Variants in NEMF observed in about 807,000 individuals in gnomAD.
The protein encoded by NEMF is nuclear export mediator factor.
Under a neutral mutation model 162.2 loss-of-function variants are expected in NEMF, and 89 were observed. That is an observed-to-expected ratio of 0.55 (90% confidence interval 0.46 to 0.65). NEMF has a LOEUF of 0.65. NEMF is among the 30% of genes least tolerant of loss of function. NEMF has a pLI of 0.00. For synonymous variants in NEMF, 421 were observed against 404.5 expected (o/e 1.04, Z -0.49); for missense variants, 1,133 against 1,261.9 (o/e 0.90, Z 1.55).
In NEMF at chr14:49,795,812, C is replaced by G. The variant is rs544061075; in HGVS notation, c.2598G>C (p.Gln866His). ...TTACCTTTTGTCCTCGTTTCATTGG[C>G]TGCACAGCCGCAACATTTTTGCTTG... ...QNTSKNVAAVQPMKRGQKSKM... is the reference protein window; with the variant it reads ...QNTSKNVAAVHPMKRGQKSKM... Residue 866 changes from glutamine to histidine, a missense_variant, in exon 26 of 33, where the codon CAG (glutamine) becomes CAC (histidine). Transcript: ENST00000298310. The G allele has an allele frequency of 3.7e-6, 6 of 1,611,928 alleles. No individual in the cohort carries two copies. In the East Asian group the frequency reaches 1.3e-4, roughly 36 times the overall value.
chr14:49,782,620 A>C lies in NEMF; in HGVS notation c.*2016T>G, dbSNP rs1566639350. On this transcript the variant is annotated 3_prime_UTR_variant, in exon 33 of 33. Transcript: ENST00000298310. ...GTAAGTAACTTTGTACTTGGCACTT[A>C]GATTATTTAAAATTGTGTTTCCTAA... is the stretch of plus-strand genomic sequence containing the variant. The C allele has an allele frequency of 3.2e-6, 5 of 1,560,326 alleles. No individual in the cohort carries two copies. The Admixed American group carries it at 9.1e-5, about 28-fold the overall frequency.
intron 4 of NEMF, among the ~76,000 whole-genome samples, chr14:49,844,228 G>C (rs1347633452): frequency 6.6e-6 from 1 of 152,106 alleles, no homozygotes; most frequent in South Asian, 2.1e-4. Flanking sequence ...GGATGAAACT[G>C]TTCCACCTCA....
intron 28 of NEMF, among the ~76,000 whole-genome samples, chr14:49,787,837 A>C (rs1566646318): frequency 6.6e-6 from 1 of 152,236 alleles, no homozygotes; most frequent in Non-Finnish European, 1.5e-5. Context: ...ACTGTTCAGC[A>C]GGAAAAAAAA....
chr14:49,804,599 G>C (rs1288426214), intron 19 of NEMF, among the ~76,000 whole-genome samples: 2 of 151,792 alleles, frequency 1.3e-5, no homozygotes, highest in African/African-American at 4.8e-5. Context: ...CCAGGAGGCA[G>C]AGGTTGCAGT....
intron 16 of NEMF, among the ~76,000 whole-genome samples, chr14:49,822,525 GA>G (rs967396950): frequency 4.0e-5 from 6 of 149,288 alleles, no homozygotes; most frequent in Non-Finnish European, 7.4e-5. Flanking sequence ...CTGTCTCAAA[GA>G]AAAAAAAAGT....
intron 16 of NEMF, among the ~76,000 whole-genome samples, chr14:49,822,575 A>G (rs1892129351): frequency 1.4e-5 from 2 of 147,096 alleles, no homozygotes; most frequent in Admixed American, 1.4e-4. Context: ...TTTATCTGTA[A>G]TCCCAGCACT....
intron 4 of NEMF, among the ~76,000 whole-genome samples, chr14:49,843,902 C>T (rs543356194): frequency 6.6e-6 from 1 of 152,294 alleles, no homozygotes; most frequent in East Asian, 1.9e-4. Flanking sequence ...AGTTTGAGAA[C>T]AGTCTGGCCA....
chr14:49,796,356 A>AG (rs2139844126), intron 25 of NEMF: 2 of 452,702 alleles, frequency 4.4e-6, no homozygotes, highest in African/African-American at 4.0e-5. Flanking sequence ...ACACAGGTTA[A>AG]GAAGGAAGGG....
chr14:49,807,285 T>C (rs1012729859), intron 18 of NEMF, among the ~76,000 whole-genome samples: 13 of 152,266 alleles, frequency 8.5e-5, no homozygotes, highest in Admixed American at 4.6e-4. Context: ...TATTCATTAA[T>C]TGAATGACAT....
intron 23 of NEMF, 94 bp downstream of exon 23, chr14:49,800,326 T>C: frequency 1.1e-6 from 1 of 941,650 alleles, no homozygotes; most frequent in African/African-American, 1.7e-5. Flanking sequence ...AGTGTAAAAG[T>C]ACTGATGTCA....
chr14:49,809,961 G>A (rs1329706997), intron 18 of NEMF, among the ~76,000 whole-genome samples: 4 of 152,060 alleles, frequency 2.6e-5, no homozygotes, highest in Non-Finnish European at 5.9e-5. Context: ...TTCTGGTGGG[G>A]GATATCGATA....
At chr14:49,794,238 T>C (rs1282041748) in intron 26 of NEMF, among the ~76,000 whole-genome samples, 1 of 152,192 alleles carries the variant, frequency 6.6e-6, no homozygotes, top group East Asian at 1.9e-4. Flanking sequence ...TTCTCAAGCA[T>C]TACTCCTTCC....
At chr14:49,786,960 T>G in intron 28 of NEMF, 1 of 498,576 alleles carries the variant, frequency 2.0e-6, no homozygotes, top group Non-Finnish European at 3.5e-6. Context: ...CTTAAGAAAG[T>G]AATGTCATTC....
chr14:49,807,465 C>T (rs528362444), intron 18 of NEMF, among the ~76,000 whole-genome samples: 1 of 152,190 alleles, frequency 6.6e-6, no homozygotes, highest in African/African-American at 2.4e-5. Flanking sequence ...CTTCCCACAG[C>T]AGCTGTATCA....
intron 26 of NEMF, among the ~76,000 whole-genome samples, chr14:49,794,706 A>G (rs1594732410): frequency 7.3e-6 from 1 of 137,234 alleles, no homozygotes; most frequent in Non-Finnish European, 1.5e-5. Context: ...CCTCATTTTT[A>G]TACTGCTACA....
chr14:49,827,531 G>A (rs191266526), intron 15 of NEMF, among the ~76,000 whole-genome samples: 6 of 152,250 alleles, frequency 3.9e-5, no homozygotes, highest in African/African-American at 1.2e-4. Context: ...AGGCATGGTG[G>A]CTCACACCTG....
At chr14:49,822,840 G>C (rs1892148425) in intron 16 of NEMF, among the ~76,000 whole-genome samples, 1 of 151,908 alleles carries the variant, frequency 6.6e-6, no homozygotes, top group Admixed American at 6.6e-5. Flanking sequence ...ATTAACTTCT[G>C]GTCTCCTATC....
chr14:49,802,802 T>C (rs1355797802), intron 20 of NEMF, 75 bp from the exon 21 acceptor site: 16 of 1,049,434 alleles, frequency 1.5e-5, no homozygotes, highest in Non-Finnish European at 1.9e-5. Context: ...AAAAAAAAAT[T>C]AGTGTCAGAT....
At chr14:49,834,787 A>T (rs2139987961) in intron 6 of NEMF, among the ~76,000 whole-genome samples, 1 of 152,328 alleles carries the variant, frequency 6.6e-6, no homozygotes. Context: ...CCTAGCCTAA[A>T]ATTTAACATT....
Sources: gnomAD v4.1 joint callset for allele counts (sites outside exome capture counted in the v4.1 genomes callset) on GRCh38, gnomAD v4.1.1 for gene constraint, MANE v1.5 for transcripts, NCBI Gene and HGNC (gene_info 2026-07-23, HGNC 2026-07-21) for gene names.